FUT8: variants seen among roughly 807,000 people sequenced by gnomAD.
The protein encoded by FUT8 is fucosyltransferase 8.
Under a neutral mutation model 71.3 loss-of-function variants are expected in FUT8, and 29 were observed. The ratio of observed to expected loss-of-function variants is 0.41; its 90% CI spans 0.30 to 0.55. The LOEUF is 0.55. Among genes scored for constraint, FUT8 ranks in the 20% least tolerant of loss-of-function variants. The pLI is 0.34. For synonymous variants in FUT8, 254 were observed against 239.3 expected, an observed-to-expected ratio of 1.06 and a Z score of -0.57; for missense variants, 544 against 702.1, an observed-to-expected ratio of 0.77 and a Z score of 2.55.
rs1269303398 is a variant in FUT8 at position 65,428,178 on chromosome 14, C to G, written c.-326+14964C>G. ...CACAGCTGGGTAGACATTCACTGAC[C>G]TTTTCTTAAAAGGTACATTAACTCT... On this transcript the variant is annotated intron_variant, in intron 1 of 10. Coordinates refer to ENST00000673929, the MANE Select transcript of FUT8 (RefSeq NM_001371533.1). Among the ~76,000 whole-genome samples the G allele has an allele frequency of 2.6e-5, 4 of 152,136 alleles. 1 individual carries two copies. The East Asian group carries it at 7.7e-4, about 29-fold the overall frequency.
chr14:65,573,239 G>T (rs898792971), intron 3 of FUT8, among the ~76,000 whole-genome samples: 4 of 152,038 alleles, frequency 2.6e-5, no homozygotes, highest in Admixed American at 6.6e-5. Flanking sequence ...CCACAACAAA[G>T]ATGGTTCAGA....
intron 2 of FUT8, among the ~76,000 whole-genome samples, chr14:65,555,351 T>A (rs934433269): frequency 6.6e-6 from 1 of 152,204 alleles, no homozygotes; most frequent in Non-Finnish European, 1.5e-5. Context: ...CTTTGCCTAA[T>A]CTTTGAGATG....
At chr14:65,433,134 A>G (rs1013377605) in intron 1 of FUT8, among the ~76,000 whole-genome samples, 1 of 152,182 alleles carries the variant, frequency 6.6e-6, no homozygotes, top group African/African-American at 2.4e-5. Flanking sequence ...ACCTTTGGGT[A>G]AGTGTTGGGA....
chr14:65,713,847 ATTG>A (rs1894924340), intron 7 of FUT8, among the ~76,000 whole-genome samples: 1 of 151,754 alleles, frequency 6.6e-6, no homozygotes, highest in Non-Finnish European at 1.5e-5. Context: ...CATTTTGTTT[ATTG>A]TTTTCTTTGC....
At chr14:65,624,255 ACT>A (rs1378848778) in intron 5 of FUT8, among the ~76,000 whole-genome samples, 2 of 150,728 alleles carry the variant, frequency 1.3e-5, no homozygotes, top group Admixed American at 6.7e-5. Flanking sequence ...TGATACCCTA[ACT>A]GCATTATCAC....
intron 2 of FUT8, among the ~76,000 whole-genome samples, chr14:65,500,713 T>G (rs1381535405): frequency 6.6e-6 from 1 of 152,188 alleles, no homozygotes; most frequent in Admixed American, 6.5e-5. Context: ...CTCAATAGTC[T>G]CCTTAAAGTG....
At chr14:65,594,272 A>G (rs1887844249) in intron 3 of FUT8, among the ~76,000 whole-genome samples, 1 of 152,088 alleles carries the variant, frequency 6.6e-6, no homozygotes, top group Non-Finnish European at 1.5e-5. Flanking sequence ...TAAACTTACT[A>G]TTTACTTTGG....
chr14:65,473,968 A>G (rs1401840033), intron 2 of FUT8, among the ~76,000 whole-genome samples: 2 of 152,128 alleles, frequency 1.3e-5, no homozygotes, highest in Non-Finnish European at 1.5e-5. Context: ...ACTCAGCCAT[A>G]AAGAAGAATG....
upstream of FUT8, among the ~76,000 whole-genome samples, chr14:65,407,033 T>C (rs1228063730): frequency 6.6e-6 from 1 of 152,184 alleles, no homozygotes. Flanking sequence ...GCACTTAGGT[T>C]CCCGCTGTAG....
chr14:65,667,467 G>C (rs1471369417), intron 6 of FUT8, among the ~76,000 whole-genome samples: 1 of 152,032 alleles, frequency 6.6e-6, no homozygotes, highest in Non-Finnish European at 1.5e-5. Context: ...TGCTAACTAG[G>C]GAGGTGCAAG....
intron 2 of FUT8, among the ~76,000 whole-genome samples, chr14:65,536,249 A>G (rs1352997888): frequency 6.6e-6 from 1 of 152,186 alleles, no homozygotes; most frequent in Non-Finnish European, 1.5e-5. Context: ...TAGACCATTT[A>G]CATTCAAGGC....
chr14:65,734,570 A>C (rs1366505745), intron 10 of FUT8, among the ~76,000 whole-genome samples: 3 of 152,274 alleles, frequency 2.0e-5, no homozygotes, highest in South Asian at 4.1e-4. Flanking sequence ...TTTCTCCCTA[A>C]TTGGGGTGTG....
the FUT8 span, among the ~76,000 whole-genome samples, chr14:65,390,200 A>G: frequency 2.0e-5 from 3 of 151,156 alleles, no homozygotes; most frequent in Non-Finnish European, 4.4e-5. Context: ...ATATGTATAT[A>G]TACAGTATGT....
the FUT8 span, among the ~76,000 whole-genome samples, chr14:65,363,095 G>T: frequency 1.3e-5 from 2 of 151,802 alleles, 1 homozygote; most frequent in South Asian, 4.2e-4. Context: ...TAAACTGAAG[G>T]AATTTGAGAC....
intron 2 of FUT8, among the ~76,000 whole-genome samples, chr14:65,486,856 T>C (rs1389502268): frequency 6.6e-6 from 1 of 152,240 alleles, no homozygotes; most frequent in Non-Finnish European, 1.5e-5. Context: ...AATAAGTGTT[T>C]GTCTTTATTA....
At chr14:65,386,837 A>ATTTTTTT in the FUT8 span, among the ~76,000 whole-genome samples, 3 of 82,016 alleles carry the variant, frequency 3.7e-5, no homozygotes, top group East Asian at 3.6e-4. Context: ...TCTTCCTTTA[A>ATTTTTTT]TTTTTTTTTT....
intron 7 of FUT8, among the ~76,000 whole-genome samples, chr14:65,696,490 T>C (rs1894004230): frequency 6.6e-6 from 1 of 152,164 alleles, no homozygotes; most frequent in Admixed American, 6.5e-5. Context: ...TTTTCTGACT[T>C]TTTGCAGTTT....
chr14:65,656,654 CAAAA>C (rs1371632689), intron 6 of FUT8, among the ~76,000 whole-genome samples: 1 of 151,972 alleles, frequency 6.6e-6, no homozygotes, highest in Admixed American at 6.5e-5. Flanking sequence ...CATGGAATCA[CAAAA>C]AAACCAGAAT....
At chr14:65,689,021 C>T (rs1893442996) in intron 7 of FUT8, among the ~76,000 whole-genome samples, 1 of 152,158 alleles carries the variant, frequency 6.6e-6, no homozygotes, top group South Asian at 2.1e-4. Context: ...TCTCCTCATA[C>T]CATCACACTG....
Sources: gnomAD v4.1 joint callset for allele counts (sites outside exome capture counted in the v4.1 genomes callset) on GRCh38, gnomAD v4.1.1 for gene constraint, MANE v1.5 for transcripts, NCBI Gene and HGNC (gene_info 2026-07-23, HGNC 2026-07-21) for gene names.